The following KCNH1 variants were observed in gnomAD, a reference collection of about 807,000 sequenced individuals.
KCNH1 encodes the protein potassium voltage-gated channel subfamily H member 1, also known as voltage-gated delayed rectifier potassium channel KCNH1.
A neutral mutation model predicts 69.2 loss-of-function variants in KCNH1; 27 were observed. That is an observed-to-expected ratio of 0.39 (90% CI 0.29 to 0.54). KCNH1 has a LOEUF of 0.54. Among genes scored for constraint, KCNH1 ranks in the 20% least tolerant of loss-of-function variants. The pLI, the probability that KCNH1 is intolerant of heterozygous loss-of-function variation, is 0.68. For missense variants in KCNH1, 798 were observed against 1,261.6 expected (o/e 0.63, Z 5.57); for synonymous variants, 456 against 487.7 (o/e 0.93, Z 0.86).
chr1:211,018,656 C>T (rs1689536702), intron 6 of KCNH1, 127 bp downstream of exon 6: 1 of 781,874 alleles, frequency 1.3e-6, no homozygotes, highest in Non-Finnish European at 2.1e-6. Context: ...ATCTATCAAG[C>T]ATGCTCCCTC....
chr1:211,082,792 G>A lies in KCNH1; in HGVS notation c.546C>T (p.Ser182=). The stretch of plus-strand genomic sequence containing the variant: ...CCTTTGCCCTTACCTCTGCCAGGCG[G>A]GAGTGCTTGTGGACATTCTCGCCTT... ...VQKGENVHKH[S]RLAEVLQLGS... The change falls in exon 5 of 11, where the codon TCC becomes TCT. Residue 182 remains serine (S), a synonymous_variant. Coordinates refer to ENST00000271751, the MANE Select transcript of KCNH1 (RefSeq NM_172362.3). 1 of 1,613,604 alleles carries A rather than the reference G, an allele frequency of 6.2e-7. No homozygotes were observed. Among genetic ancestry groups the A allele is most frequent in the Non-Finnish European group, 8.5e-7 (1 of 1,179,564 alleles).
At chr1:210,782,024 G>A (rs1263215237) in intron 9 of KCNH1, among the ~76,000 whole-genome samples, 1 of 152,026 alleles carries the variant, frequency 6.6e-6, no homozygotes, top group African/African-American at 2.4e-5. Flanking sequence ...TCCTTGGCCT[G>A]GATGACTCCT....
At chr1:210,908,210 A>G (rs905654866) in intron 7 of KCNH1, among the ~76,000 whole-genome samples, 2 of 152,218 alleles carry the variant, frequency 1.3e-5, no homozygotes, top group African/African-American at 4.8e-5. Flanking sequence ...CTGTTCTCAC[A>G]TCATTTCTAA....
intron 9 of KCNH1, among the ~76,000 whole-genome samples, chr1:210,794,766 T>C (rs1375917025): frequency 6.6e-6 from 1 of 152,118 alleles, no homozygotes; most frequent in Non-Finnish European, 1.5e-5. Context: ...AATGCCCTTA[T>C]CAAAGGGTTA....
At chr1:211,020,236 A>T (rs1689565250) in intron 5 of KCNH1, among the ~76,000 whole-genome samples, 1 of 151,984 alleles carries the variant, frequency 6.6e-6, no homozygotes, top group Non-Finnish European at 1.5e-5. Flanking sequence ...ATAATTTTAA[A>T]AAAACCCAAA....
At position 210,797,618 on chromosome 1, in the gene KCNH1, C is replaced by G. The variant is rs1387573074; in HGVS notation, c.1805G>C (p.Cys602Ser). Reference sequence around the variant, plus strand: ...ATGGTAGATGAGGTCCCCTGGGGCACAGTGCACCGTCTGGAACTCCATGGC... The same window carrying G: ...ATGGTAGATGAGGTCCCCTGGGGCAGAGTGCACCGTCTGGAACTCCATGGC... ...ALAMEFQTVH[C>S]APGDLIYHAG... The change falls in exon 9 of 11, where the codon TGT (cysteine) becomes TCT (serine). Residue 602 changes from cysteine to serine, a missense_variant. By Grantham distance (112) the Cys-to-Ser change is moderately radical (BLOSUM62 -1). This residue lies in a region of KCNH1 where 197 missense variants were observed against 407.7 expected (regional missense o/e 0.48). Coordinates refer to ENST00000271751, the MANE Select transcript of KCNH1 (RefSeq NM_172362.3). The G allele has an allele frequency of 1.2e-6, 2 of 1,614,124 alleles. No homozygotes were observed. Among genetic ancestry groups the G allele is most frequent in the Non-Finnish European group, 1.7e-6 (2 of 1,180,050 alleles).
chr1:210,775,562 T>C lies in KCNH1; in HGVS notation c.1916-18A>G. ...TCCTTTTCCTAAGGAGAGAAGGTTG[T>C]CATGAGGAAAGTGTTGGCCAGGAGA... On this transcript the variant is annotated intron_variant, in intron 9 of 10. Coordinates refer to ENST00000271751, the MANE Select transcript of KCNH1 (RefSeq NM_172362.3). The C allele has an allele frequency of 6.2e-7, 1 of 1,606,360 alleles. No individual in the cohort carries two copies. Among genetic ancestry groups the C allele is most frequent in the South Asian group, 1.1e-5 (1 of 90,662 alleles).
At chr1:211,106,630 C>CAAAAAA (rs370857373) in intron 2 of KCNH1, among the ~76,000 whole-genome samples, 8 of 137,690 alleles carry the variant, frequency 5.8e-5, no homozygotes, top group African/African-American at 2.2e-4. Context: ...ACTAAAAATA[C>CAAAAAA]AAAAAAAAAA....
intron 6 of KCNH1, among the ~76,000 whole-genome samples, chr1:210,978,150 T>A (rs1688648459): frequency 6.6e-6 from 1 of 151,908 alleles, no homozygotes; most frequent in Admixed American, 6.6e-5. Flanking sequence ...GCCATTCCCC[T>A]GTCTCAGCCT....
chr1:211,108,106 G>C (rs1691391801), intron 1 of KCNH1, among the ~76,000 whole-genome samples: 1 of 152,092 alleles, frequency 6.6e-6, no homozygotes, highest in South Asian at 2.1e-4. Context: ...CATAATGCAG[G>C]GTTTAGGTAG....
chr1:210,784,396 G>A (rs570985229), intron 9 of KCNH1, among the ~76,000 whole-genome samples: 3 of 152,340 alleles, frequency 2.0e-5, no homozygotes, highest in African/African-American at 7.2e-5. Context: ...ATCAAAGACA[G>A]ACAGACACAG....
chr1:210,968,749 T>C (rs1361432078), intron 6 of KCNH1, among the ~76,000 whole-genome samples: 1 of 152,108 alleles, frequency 6.6e-6, no homozygotes, highest in African/African-American at 2.4e-5. Flanking sequence ...TTTGTGTTCA[T>C]TGTAGATTCT....
At chr1:211,070,425 A>AC (rs1491071188) in intron 5 of KCNH1, among the ~76,000 whole-genome samples, 1,508 of 100,954 alleles carry the variant, frequency 0.015, 24 homozygotes, top group African/African-American at 0.043. Context: ...CTTTAAAAAA[A>AC]AAAAAACACA....
rs139827215 is a variant in KCNH1 at position 210,820,043 on chromosome 1, C to T, written c.1463-15877G>A. ...GCAATAGCCAATATCTGACTGCAAC[C>T]GGGCTGCTCCCAAATTCTTCATCCA... On this transcript the variant is annotated intron_variant, in intron 7 of 10. Coordinates refer to ENST00000271751, the MANE Select transcript of KCNH1 (RefSeq NM_172362.3). 4.3e-3 allele frequency among the ~76,000 whole-genome samples: 653 copies of T among 152,284 alleles called. 11 individuals carry two copies. Among genetic ancestry groups the T allele is most frequent in the African/African-American group, 0.015 (618 of 41,566 alleles).
At chr1:210,719,269 C>T (rs1276797168) in intron 10 of KCNH1, among the ~76,000 whole-genome samples, 1 of 152,082 alleles carries the variant, frequency 6.6e-6, no homozygotes, top group Non-Finnish European at 1.5e-5. Context: ...TCGGAATCAA[C>T]CCCTGAGAAA....
intron 5 of KCNH1, among the ~76,000 whole-genome samples, chr1:211,044,225 TAAAAG>T (rs1690052110): frequency 1.3e-5 from 2 of 152,136 alleles, no homozygotes; most frequent in African/African-American, 2.4e-5. Context: ...CTAGAACTGA[TAAAAG>T]AATTCAGTAA....
rs115252529 is a variant in KCNH1 at position 211,055,030 on chromosome 1, C to T, written c.558+27750G>A. On this transcript the variant is annotated intron_variant, in intron 5 of 10. Transcript: ENST00000271751. ...AAGACAGTAGAATAGAAGCCTCCAGCGATAACCCCCTCCACAAGAACACCA... is the reference window on the plus strand; with the variant it reads ...AAGACAGTAGAATAGAAGCCTCCAGTGATAACCCCCTCCACAAGAACACCA... Among the ~76,000 whole-genome samples, 1,062 of 152,118 alleles carry T rather than the reference C, an allele frequency of 7.0e-3. 3 individuals are homozygous for T. Among genetic ancestry groups the T allele is most frequent in the Non-Finnish European group, 0.012 (849 of 67,988 alleles).
chr1:210,859,249 A>C, intron 7 of KCNH1: 1 of 1,611,580 alleles, frequency 6.2e-7, no homozygotes, highest in East Asian at 2.2e-5. Flanking sequence ...TGTATCCTCC[A>C]TGCTTCTCAA....
At chr1:210,730,472 A>G (rs1682718172) in intron 10 of KCNH1, among the ~76,000 whole-genome samples, 1 of 152,150 alleles carries the variant, frequency 6.6e-6, no homozygotes, top group South Asian at 2.1e-4. Flanking sequence ...TTGGTTTTGA[A>G]CTGAGAGACA....
Sources: gnomAD v4.1 joint callset for allele counts (sites outside exome capture counted in the v4.1 genomes callset) on GRCh38, gnomAD v4.1.1 for gene constraint, gnomAD v4.1.1 regional missense constraint, MANE v1.5 for transcripts, NCBI Gene and HGNC (gene_info 2026-07-23, HGNC 2026-07-21) for gene names.